The following DAB1 variants were observed in gnomAD, a reference collection of about 807,000 sequenced individuals.
DAB1 encodes the protein DAB adaptor protein 1.
In DAB1, 15 loss-of-function variants were observed where a neutral mutation model predicts 64.6. That is an observed-to-expected ratio of 0.23 (90% confidence interval 0.16 to 0.36). DAB1 has a LOEUF of 0.36. Ranked by LOEUF, DAB1 falls within the 10% of genes least tolerant of loss-of-function variation. DAB1 has a pLI of 1.00. For synonymous variants in DAB1, 235 were observed against 251.9 expected (o/e 0.93, Z 0.64); for missense variants, 596 against 706.7 (o/e 0.84, Z 1.78).
intron 1 of DAB1, among the ~76,000 whole-genome samples, chr1:57,393,665 A>G (rs1682573461): frequency 6.6e-6 from 1 of 152,210 alleles, no homozygotes; most frequent in Non-Finnish European, 1.5e-5. Flanking sequence ...TTCTCAAAAA[A>G]TGAAAATCAA....
chr1:57,948,869 GC>G (rs1375539237), intron 5 of DAB1, among the ~76,000 whole-genome samples: 3 of 152,166 alleles, frequency 2.0e-5, no homozygotes, highest in African/African-American at 7.2e-5. Flanking sequence ...CTTGAATCAA[GC>G]CAGGCCTAAA....
At chr1:57,545,424 A>T (rs1644845575) in intron 7 of DAB1, among the ~76,000 whole-genome samples, 1 of 152,138 alleles carries the variant, frequency 6.6e-6, no homozygotes, top group African/African-American at 2.4e-5. Flanking sequence ...AGGATGACTG[A>T]TTTGTCGCAG....
intron 5 of DAB1, among the ~76,000 whole-genome samples, chr1:57,963,925 CA>C (rs1645589793): frequency 6.6e-6 from 1 of 152,186 alleles, no homozygotes; most frequent in Admixed American, 6.5e-5. Flanking sequence ...GAAGAAAGAA[CA>C]TATAATTTTG....
At chr1:58,315,184 C>T (rs1215009952) in intron 4 of DAB1, among the ~76,000 whole-genome samples, 2 of 152,162 alleles carry the variant, frequency 1.3e-5, no homozygotes, top group African/African-American at 4.8e-5. Flanking sequence ...TGTCTCATTG[C>T]ACAGGATACT....
chr1:57,785,388 A>G (rs1581762), intron 6 of DAB1, among the ~76,000 whole-genome samples: 93,121 of 151,968 alleles, frequency 0.61, 28,825 homozygotes, highest in African/African-American at 0.67. Context: ...ATGGATGCAT[A>G]GAGAGTACTT....
At chr1:57,813,282 C>A (rs556999658) in intron 6 of DAB1, among the ~76,000 whole-genome samples, 2 of 152,110 alleles carry the variant, frequency 1.3e-5, no homozygotes, top group African/African-American at 4.8e-5. Flanking sequence ...TTCTTAAGAA[C>A]CAATATAGAA....
At chr1:57,637,264 C>T (rs1269462928) in intron 7 of DAB1, among the ~76,000 whole-genome samples, 1 of 152,064 alleles carries the variant, frequency 6.6e-6, no homozygotes, top group Non-Finnish European at 1.5e-5. Context: ...ATTGTGCAAG[C>T]AACTGGAGAA....
At chr1:58,148,076 G>T (rs775096270) in intron 5 of DAB1, among the ~76,000 whole-genome samples, 1 of 151,288 alleles carries the variant, frequency 6.6e-6, no homozygotes, top group Non-Finnish European at 1.5e-5. Flanking sequence ...ACCAGGGAAA[G>T]TATTGAGGAG....
chr1:58,184,791 G>A (rs1445535908), intron 4 of DAB1, among the ~76,000 whole-genome samples: 1 of 152,144 alleles, frequency 6.6e-6, no homozygotes, highest in Non-Finnish European at 1.5e-5. Context: ...TATTTGTTAT[G>A]TATAATGGGT....
At chr1:58,154,230 A>G (rs1293836470) in intron 4 of DAB1, among the ~76,000 whole-genome samples, 1 of 152,098 alleles carries the variant, frequency 6.6e-6, no homozygotes, top group Admixed American at 6.6e-5. Context: ...TGTACCCAAA[A>G]ACCCCTATCT....
At chr1:57,603,116 G>C (rs553793859) in intron 7 of DAB1, among the ~76,000 whole-genome samples, 3 of 152,158 alleles carry the variant, frequency 2.0e-5, no homozygotes, top group Non-Finnish European at 4.4e-5. Context: ...AGGATTACAG[G>C]CATGCACCAC....
At chr1:57,651,123 G>A (rs575339661) in intron 6 of DAB1, among the ~76,000 whole-genome samples, 75 of 152,044 alleles carry the variant, frequency 4.9e-4, no homozygotes, top group Non-Finnish European at 9.3e-4. Flanking sequence ...TGGAAAGCAG[G>A]GAGGCAGCAA....
In DAB1 at chr1:58,518,344, AGAAGAGAAGG is replaced by A. The variant is rs1557450374; in HGVS notation, n.107+8907_107+8916del. ...AGAAGAGAAGAGAAGAGAAGAGAAG[AGAAGAGAAGG>A]GAAGGGAAGAGAAGAGAAGGGAAGA... On this transcript the variant is annotated intron_variant and non_coding_transcript_variant, in intron 2 of 20. Transcript: ENST00000485760. 1.7e-3 allele frequency among the ~76,000 whole-genome samples: 147 copies of A among 88,936 alleles called. 3 individuals are homozygous for A. The highest frequency in any genetic ancestry group is 2.3e-3 in the East Asian group (6 of 2,612). 58.3% of individuals were successfully genotyped at this position (88,936 alleles called of 152,430 possible).
chr1:58,258,009 T>G (rs1660970920), intron 4 of DAB1, among the ~76,000 whole-genome samples: 1 of 152,232 alleles, frequency 6.6e-6, no homozygotes. Context: ...TTTAAATTTG[T>G]ACTGTTACCG....
chr1:57,306,604 G>A (rs1674206929), intron 1 of DAB1, among the ~76,000 whole-genome samples: 1 of 140,864 alleles, frequency 7.1e-6, no homozygotes, highest in Admixed American at 7.7e-5. Flanking sequence ...CTCCTTGTCT[G>A]TTCAGGCAAG....
chr1:57,515,660 C>G (rs1644455647), intron 7 of DAB1, among the ~76,000 whole-genome samples: 1 of 152,224 alleles, frequency 6.6e-6, no homozygotes, highest in Admixed American at 6.5e-5. Context: ...GCTACCATGC[C>G]TGATGGATGT....
intron 3 of DAB1, among the ~76,000 whole-genome samples, chr1:58,408,067 C>A (rs986399186): frequency 6.6e-6 from 1 of 152,156 alleles, no homozygotes; most frequent in African/African-American, 2.4e-5. Context: ...TCAGCATCGC[C>A]TGAAATCAGT....
chr1:58,508,378 C>T (rs1403609424), intron 2 of DAB1, among the ~76,000 whole-genome samples: 1 of 152,216 alleles, frequency 6.6e-6, no homozygotes, highest in East Asian at 1.9e-4. Context: ...TCCTTCCCCA[C>T]ATGAACACAC....
chr1:58,396,025 C>G (rs1419005509), intron 3 of DAB1, among the ~76,000 whole-genome samples: 1 of 152,058 alleles, frequency 6.6e-6, no homozygotes, highest in African/African-American at 2.4e-5. Context: ...GTTAGCCAGC[C>G]CCACAACCTA....
Sources: gnomAD v4.1 joint callset for allele counts (sites outside exome capture counted in the v4.1 genomes callset) on GRCh38, gnomAD v4.1.1 for gene constraint, MANE v1.5 for transcripts, NCBI Gene and HGNC (gene_info 2026-07-23, HGNC 2026-07-21) for gene names.